Variants in NRG2 observed in about 807,000 individuals in gnomAD.
NRG2 encodes pro-neuregulin-2, membrane-bound isoform.
In NRG2, 27 loss-of-function variants were observed where a neutral mutation model predicts 73.9. The observed-to-expected ratio is 0.37, with a 90% CI of 0.27 to 0.50. NRG2 has a LOEUF of 0.50. Among genes scored for constraint, NRG2 ranks in the 20% least tolerant of loss-of-function variants. The pLI is 0.96. For synonymous variants in NRG2, 532 were observed against 541.0 expected (o/e 0.98, Z 0.23); for missense variants, 1,126 against 1,210.1 (o/e 0.93, Z 1.03).
At chr5:140,034,281 C>T (rs1472342538) in intron 1 of NRG2, among the ~76,000 whole-genome samples, 2 of 152,004 alleles carry the variant, frequency 1.3e-5, no homozygotes, top group Admixed American at 1.3e-4. Context: ...TTTCTAAACC[C>T]GGGTCCATCC....
At chr5:139,989,736 A>C (rs1757430445) in intron 1 of NRG2, among the ~76,000 whole-genome samples, 1 of 150,802 alleles carries the variant, frequency 6.6e-6, no homozygotes, top group South Asian at 2.1e-4. Context: ...GTTGATGGGC[A>C]TTGAAGATTT....
At chr5:140,012,291 A>G (rs755885476) in intron 1 of NRG2, among the ~76,000 whole-genome samples, 2 of 152,104 alleles carry the variant, frequency 1.3e-5, no homozygotes, top group Non-Finnish European at 2.9e-5. Flanking sequence ...TACTTTTCCA[A>G]TCACAGCAAT....
In NRG2 at chr5:139,870,065, G is replaced by T. The variant is rs567397025; in HGVS notation, c.1112+1656C>A. ...TACCTAGTGTGTATGTCACAGGGAG[G>T]AGGAGGGTGCAGGAGACAAGGAAAT... On this transcript the variant is annotated intron_variant, in intron 4 of 9. Transcript: ENST00000361474. This position sits in a 1 kb window ranked among gnomAD's most constrained non-coding sequence, Gnocchi z 4.4. 6.6e-6 allele frequency among the ~76,000 whole-genome samples: 1 copy of T among 152,328 alleles called. No homozygotes were observed. The highest frequency in any genetic ancestry group is 2.1e-4 in the South Asian group (1 of 4,828).
intron 1 of NRG2, among the ~76,000 whole-genome samples, chr5:139,895,709 G>GA (rs1388305996): frequency 1.3e-5 from 2 of 152,260 alleles, no homozygotes; most frequent in African/African-American, 4.8e-5. Flanking sequence ...TAGAGCAAGA[G>GA]AAAGCTCTCT....
intron 1 of NRG2, among the ~76,000 whole-genome samples, chr5:139,964,954 G>C (rs551639500): frequency 1.6e-4 from 24 of 152,374 alleles, no homozygotes; most frequent in Admixed American, 2.6e-4. Context: ...AGGCCACTAA[G>C]AGCCTCTAAC....
intron 1 of NRG2, among the ~76,000 whole-genome samples, chr5:140,037,225 C>T (rs1284621394): frequency 1.3e-5 from 2 of 152,202 alleles, no homozygotes; most frequent in African/African-American, 4.8e-5. Flanking sequence ...ATGGACTCTA[C>T]TGTGAGATCA....
At chr5:140,021,653 A>G (rs923709994) in intron 1 of NRG2, among the ~76,000 whole-genome samples, 5 of 152,202 alleles carry the variant, frequency 3.3e-5, no homozygotes, top group African/African-American at 1.2e-4. Flanking sequence ...GTTCAGACAG[A>G]AGGGCCATGG....
chr5:139,897,139 C>T (rs1372181013), intron 1 of NRG2, among the ~76,000 whole-genome samples: 3 of 152,182 alleles, frequency 2.0e-5, no homozygotes, highest in South Asian at 4.1e-4. Flanking sequence ...CACAGGAAGC[C>T]GAGTTGAGAG....
chr5:139,958,725 C>T (rs1028078129), intron 1 of NRG2, among the ~76,000 whole-genome samples: 16 of 152,176 alleles, frequency 1.1e-4, no homozygotes, highest in African/African-American at 3.9e-4. Flanking sequence ...AAATGGCCGG[C>T]GACCTTGCTT....
chr5:139,932,256 GTGTGTA>G (rs1168375225), intron 1 of NRG2, among the ~76,000 whole-genome samples: 1 of 148,714 alleles, frequency 6.7e-6, no homozygotes, highest in Non-Finnish European at 1.5e-5. Flanking sequence ...GTGTGTGTGT[GTGTGTA>G]TACACAGTGA....
chr5:140,016,192 G>C (rs1451408402), intron 1 of NRG2, among the ~76,000 whole-genome samples: 1 of 152,174 alleles, frequency 6.6e-6, no homozygotes, highest in Non-Finnish European at 1.5e-5. Flanking sequence ...GAGGCAGAAG[G>C]GGTGGTGGTG....
At position 139,848,054 on chromosome 5, in the gene NRG2, G is replaced by A. The variant is rs781517140; in HGVS notation, c.2416C>T (p.Arg806Cys). The A allele has an allele frequency of 4.7e-6, 7 of 1,503,258 alleles. No individual in the cohort carries two copies. In the South Asian group the frequency reaches 8.7e-5, roughly 19 times the overall value. 93.1% of individuals were successfully genotyped at this position (1,503,258 alleles called of 1,614,324 possible). ...GGGCACAGTGGCGGCGAGTCCGAGC[G>A]CAGCGCGTCGTGCGCCCCACGCAGG... Reference protein sequence around the residue: ...LGLRGAHDALRSDSPPLCPAA... With the variant: ...LGLRGAHDALCSDSPPLCPAA... Residue 806 changes from arginine (R) to cysteine (C), a missense_variant, in exon 10 of 10, where the codon CGC becomes TGC. Arg to Cys is a radical substitution (Grantham distance 180). This residue lies in a region of NRG2 where 402 missense variants were observed against 357.8 expected (regional missense o/e 1.12). Transcript: ENST00000361474.
At chr5:140,024,899 ATT>A (rs1353211910) in intron 1 of NRG2, among the ~76,000 whole-genome samples, 1 of 152,176 alleles carries the variant, frequency 6.6e-6, no homozygotes, top group African/African-American at 2.4e-5. Flanking sequence ...CAGTCTCTAT[ATT>A]TTGAGGCTAT....
rs74436432 is a variant in NRG2, at chr5:139,852,870, G to C, written c.1416+34C>G. 2.9e-3 allele frequency: 4,611 copies of C among 1,612,352 alleles called. 100 individuals are homozygous for C. In the African/African-American group the frequency reaches 0.053, roughly 18 times the overall value. Reference sequence around the variant, plus strand: ...CATGAGAAGGCTGGCTGTCCACTGAGGGCTCAGAAGGGGGCCCCAGGAAAG... The same window carrying C: ...CATGAGAAGGCTGGCTGTCCACTGACGGCTCAGAAGGGGGCCCCAGGAAAG... On this transcript the variant is annotated intron_variant, in intron 7 of 9. Transcript: ENST00000361474. The surrounding 1 kb of genome is among the most constrained non-coding windows in gnomAD (Gnocchi z 4.4).
At chr5:139,922,342 G>A (rs1297464254) in intron 1 of NRG2, among the ~76,000 whole-genome samples, 1 of 152,156 alleles carries the variant, frequency 6.6e-6, no homozygotes, top group Non-Finnish European at 1.5e-5. Flanking sequence ...ATAAGCATAT[G>A]AGAAGATGCT....
At chr5:139,952,513 C>A (rs1285747927) in intron 1 of NRG2, among the ~76,000 whole-genome samples, 2 of 152,164 alleles carry the variant, frequency 1.3e-5, no homozygotes, top group Admixed American at 6.5e-5. Flanking sequence ...AGCAGCTGGC[C>A]CCTGGATGGG....
rs1279142473 is a variant in NRG2 at position 139,868,726 on chromosome 5, G to T, written c.1112+2995C>A. Among the ~76,000 whole-genome samples, 1 of 152,100 alleles carries T rather than the reference G, an allele frequency of 6.6e-6. No homozygotes were observed. The highest frequency in any genetic ancestry group is 1.5e-5 in the Non-Finnish European group (1 of 68,022). The stretch of plus-strand genomic sequence containing the variant: ...TGTGCTGCCCTCACCCGGGGGAGGG[G>T]GTGGATGAAGGATGGCGGTGTGCCC... On this transcript the variant is annotated intron_variant, in intron 4 of 9. Transcript: ENST00000361474. This position sits in a 1 kb window ranked among gnomAD's most constrained non-coding sequence, Gnocchi z 4.2.
chr5:139,999,400 T>C (rs1190302684), intron 1 of NRG2, among the ~76,000 whole-genome samples: 1 of 152,156 alleles, frequency 6.6e-6, no homozygotes. Context: ...TGACTTAGCA[T>C]ATTTTTTCAA....
chr5:139,922,646 A>G (rs1751759364), intron 1 of NRG2, among the ~76,000 whole-genome samples: 1 of 152,246 alleles, frequency 6.6e-6, no homozygotes, highest in South Asian at 2.1e-4. Flanking sequence ...AAAAACCTGC[A>G]CAAGGATGTT....
Sources: gnomAD v4.1 joint callset for allele counts (sites outside exome capture counted in the v4.1 genomes callset) on GRCh38, gnomAD v4.1.1 for gene constraint, gnomAD v4.1.1 regional missense constraint, Gnocchi (gnomAD v3.1) non-coding constraint, MANE v1.5 for transcripts, NCBI Gene and HGNC (gene_info 2026-07-23, HGNC 2026-07-21) for gene names.